Variants in CLPB observed in about 807,000 individuals in gnomAD.
CLPB encodes mitochondrial disaggregase.
CLPB carries 40 observed loss-of-function variants against 78.4 expected under a neutral mutation model. That is an observed-to-expected ratio of 0.51 (90% CI 0.40 to 0.66). CLPB has a LOEUF of 0.66. Among genes scored for constraint, CLPB ranks in the 30% least tolerant of loss-of-function variants. The pLI, the probability that CLPB is intolerant of heterozygous loss-of-function variation, is 0.00. For missense variants in CLPB, 780 were observed against 886.9 expected (o/e 0.88, Z 1.53); for synonymous variants, 333 against 348.0 (o/e 0.96, Z 0.48).
At chr11:72,302,036 G>C in intron 10 of CLPB, 72 bp from the exon 11 acceptor site, 2 of 1,538,764 alleles carry the variant, frequency 1.3e-6, no homozygotes, top group South Asian at 2.4e-5. Context: ...GCATGCATGG[G>C]AAGATGACTT....
chr11:72,316,611 G>C (rs1394375962), intron 7 of CLPB, among the ~76,000 whole-genome samples: 1 of 152,192 alleles, frequency 6.6e-6, no homozygotes, highest in African/African-American at 2.4e-5. Context: ...ACACTCAAAA[G>C]TTGCTCAGGA....
chr11:72,364,765 T>G (rs1485800781), intron 4 of CLPB, among the ~76,000 whole-genome samples: 1 of 152,004 alleles, frequency 6.6e-6, no homozygotes, highest in East Asian at 1.9e-4. Flanking sequence ...GGCAGCAACG[T>G]GTATTAGAAA....
At chr11:72,375,494 G>A (rs1432689143) in intron 4 of CLPB, among the ~76,000 whole-genome samples, 2 of 152,078 alleles carry the variant, frequency 1.3e-5, no homozygotes. Context: ...TGCCTGGAAG[G>A]TCCATCCCTT....
chr11:72,316,962 G>C, intron 7 of CLPB, 144 bp downstream of exon 7: 3 of 538,452 alleles, frequency 5.6e-6, no homozygotes, highest in East Asian at 3.3e-5. Flanking sequence ...CATGCAGAGA[G>C]CTTATAACAA....
rs1169551899 is a variant in CLPB at position 72,290,389 on chromosome 11, C to T, written c.*2978G>A. ...CAAATAAATAAATGGGGAAAAGGGA[C>T]AGCTCTTCCTTATAGTAGAATACCA... On this transcript the variant is annotated 3_prime_UTR_variant, in exon 16 of 16. Coordinates refer to ENST00000538039, the MANE Select transcript of CLPB (RefSeq NM_001258392.3). 1 of 152,146 alleles carries T rather than the reference C, an allele frequency of 6.6e-6. No individual in the cohort carries two copies. Among genetic ancestry groups the T allele is most frequent in the African/African-American group, 2.4e-5 (1 of 41,426 alleles). The allele number at this position is 152,146 out of a possible 1,614,324, so 9.4% of individuals were successfully genotyped here.
intron 2 of CLPB, among the ~76,000 whole-genome samples, chr11:72,422,961 G>A (rs1856254991): frequency 6.6e-6 from 1 of 152,206 alleles, no homozygotes; most frequent in African/African-American, 2.4e-5. Context: ...CAAGCCATCA[G>A]TGCAAAGCTA....
chr11:72,336,320 A>C (rs1369904887), intron 5 of CLPB, among the ~76,000 whole-genome samples: 2 of 151,336 alleles, frequency 1.3e-5, no homozygotes, highest in African/African-American at 2.4e-5. Context: ...GCCCCTCCCC[A>C]CCCCCGGTTC....
intron 5 of CLPB, among the ~76,000 whole-genome samples, chr11:72,331,592 T>TTG (rs1491369968): frequency 4.1e-5 from 3 of 73,362 alleles, no homozygotes; most frequent in African/African-American, 1.6e-4. Context: ...TTTTTTTTTT[T>TTG]GAGACAGGGT....
At position 72,377,145 on chromosome 11, in the gene CLPB, A is replaced by G. The variant is rs1317802317; in HGVS notation, c.646+3136T>C. On this transcript the variant is annotated intron_variant, in intron 4 of 15. Coordinates refer to ENST00000538039, the MANE Select transcript of CLPB (RefSeq NM_001258392.3). ...ATTTTAGCAAGAAATATGGGGAAAAAGCTCTTAAAATTTTGTGAACAAAGC... is the reference window on the plus strand; with the variant it reads ...ATTTTAGCAAGAAATATGGGGAAAAGGCTCTTAAAATTTTGTGAACAAAGC... Among the ~76,000 whole-genome samples, 4 of 152,344 alleles carry G rather than the reference A, an allele frequency of 2.6e-5. No homozygotes were observed. In the East Asian group the frequency reaches 5.8e-4, roughly 22 times the overall value.
intron 2 of CLPB, among the ~76,000 whole-genome samples, chr11:72,405,057 T>A (rs1370370599): frequency 6.6e-6 from 1 of 152,218 alleles, no homozygotes; most frequent in Non-Finnish European, 1.5e-5. Flanking sequence ...GCCTCGCTTC[T>A]CTGACCCTCA....
chr11:72,321,234 T>C (rs1332649284), intron 6 of CLPB, among the ~76,000 whole-genome samples: 1 of 151,974 alleles, frequency 6.6e-6, no homozygotes, highest in Non-Finnish European at 1.5e-5. Flanking sequence ...AGGGATCCAC[T>C]AGAGAAGAAG....
intron 12 of CLPB, 119 bp from the exon 13 acceptor site, chr11:72,294,812 T>A (rs1949521386): frequency 1.2e-6 from 1 of 865,718 alleles, no homozygotes; most frequent in Non-Finnish European, 1.9e-6. Flanking sequence ...GTGGTCCTGG[T>A]CAAGGTCTAA....
intron 3 of CLPB, among the ~76,000 whole-genome samples, chr11:72,393,860 T>C (rs745798776): frequency 2.6e-5 from 4 of 152,360 alleles, no homozygotes; most frequent in Admixed American, 6.5e-5. Flanking sequence ...GATTTAACCA[T>C]TGCTCTAGCC....
At chr11:72,416,735 C>CAAA (rs35655496) in intron 2 of CLPB, among the ~76,000 whole-genome samples, 3 of 50,598 alleles carry the variant, frequency 5.9e-5, no homozygotes, top group Admixed American at 2.1e-4. Flanking sequence ...GACTCCGTCT[C>CAAA]AAAAAAAAAA....
At chr11:72,302,025 G>GGCAT in intron 10 of CLPB, 61 bp from the exon 11 acceptor site, 1 of 1,566,248 alleles carries the variant, frequency 6.4e-7, no homozygotes, top group Non-Finnish European at 8.7e-7. Context: ...TCCAACATGG[G>GGCAT]GCATGCATGG....
At chr11:72,423,317 T>G (rs1856264957) in intron 2 of CLPB, among the ~76,000 whole-genome samples, 1 of 151,528 alleles carries the variant, frequency 6.6e-6, no homozygotes, top group East Asian at 1.9e-4. Flanking sequence ...CACATCTCGG[T>G]GAATGGCAAG....
chr11:72,338,796 G>A (rs1048596162), intron 5 of CLPB, among the ~76,000 whole-genome samples: 3 of 152,198 alleles, frequency 2.0e-5, no homozygotes, highest in African/African-American at 7.2e-5. Flanking sequence ...CATCAGGATG[G>A]GTTCGCAGAA....
At chr11:72,373,082 A>AG in intron 4 of CLPB, 2 of 1,370,524 alleles carry the variant, frequency 1.5e-6, no homozygotes, top group Non-Finnish European at 2.1e-6. Context: ...AGCTCTGGGA[A>AG]GGGGGCACTC....
At chr11:72,335,954 GCCT>G (rs1213585219) in intron 5 of CLPB, among the ~76,000 whole-genome samples, 1 of 152,090 alleles carries the variant, frequency 6.6e-6, no homozygotes, top group Non-Finnish European at 1.5e-5. Flanking sequence ...AAGCCTCTCT[GCCT>G]GGTTGGCAGA....
Sources: gnomAD v4.1 joint callset for allele counts (sites outside exome capture counted in the v4.1 genomes callset) on GRCh38, gnomAD v4.1.1 for gene constraint, MANE v1.5 for transcripts, NCBI Gene and HGNC (gene_info 2026-07-23, HGNC 2026-07-21) for gene names.